The following ME3 variants were observed in gnomAD, a reference collection of about 807,000 sequenced individuals.
The protein encoded by ME3 is malic enzyme 3.
In ME3, 48 loss-of-function variants were observed where a neutral mutation model predicts 68.9. The observed-to-expected ratio is 0.70, with a 90% confidence interval of 0.55 to 0.89. The LOEUF (loss-of-function observed/expected upper bound fraction) is 0.89, where lower values mean the gene tolerates loss of function less well. Among genes scored for constraint, ME3 ranks in the 40% least tolerant of loss-of-function variants. ME3 has a pLI of 0.00. For synonymous variants in ME3, 320 were observed against 318.8 expected, an observed-to-expected ratio of 1.00 and a Z score of -0.04; for missense variants, 675 against 797.4, an observed-to-expected ratio of 0.85 and a Z score of 1.85.
intron 2 of ME3, among the ~76,000 whole-genome samples, chr11:86,619,307 A>C (rs955865771): frequency 6.6e-6 from 1 of 152,256 alleles, no homozygotes; most frequent in Non-Finnish European, 1.5e-5. Flanking sequence ...GAAAAATACT[A>C]TTAATGTGAG....
chr11:86,663,353 G>A (rs530761988), intron 2 of ME3, among the ~76,000 whole-genome samples: 2 of 152,104 alleles, frequency 1.3e-5, no homozygotes, highest in African/African-American at 4.8e-5. Context: ...CTTTTGGTAG[G>A]AATTGTGTTT....
chr11:86,602,495 G>T (rs1455704441), intron 2 of ME3, among the ~76,000 whole-genome samples: 1 of 152,082 alleles, frequency 6.6e-6, no homozygotes, highest in Non-Finnish European at 1.5e-5. Context: ...CTCATGGGTA[G>T]GAAGAATCAA....
At chr11:86,629,722 A>T (rs1001772383) in intron 2 of ME3, among the ~76,000 whole-genome samples, 2 of 152,130 alleles carry the variant, frequency 1.3e-5, no homozygotes, top group African/African-American at 4.8e-5. Flanking sequence ...ACAAGCCAGG[A>T]GTATTTGAGG....
intron 2 of ME3, among the ~76,000 whole-genome samples, chr11:86,561,180 C>A (rs1232787553): frequency 6.6e-6 from 1 of 152,076 alleles, no homozygotes; most frequent in Non-Finnish European, 1.5e-5. Context: ...TGACATACTA[C>A]CCATAATGTA....
intron 4 of ME3, among the ~76,000 whole-genome samples, chr11:86,515,718 T>A (rs1953849856): frequency 6.6e-6 from 1 of 152,132 alleles, no homozygotes; most frequent in Admixed American, 6.5e-5. Context: ...TTACGGATGA[T>A]TGGGGTAGTC....
chr11:86,436,070 C>G, the ME3 span: 3 of 152,192 alleles, frequency 2.0e-5, no homozygotes, highest in African/African-American at 7.2e-5. Flanking sequence ...ATGACACTTG[C>G]TGAATACTGG....
chr11:86,504,856 C>G (rs535468022), intron 5 of ME3, among the ~76,000 whole-genome samples: 17 of 150,922 alleles, frequency 1.1e-4, no homozygotes, highest in African/African-American at 3.9e-4. Flanking sequence ...ACGCCAAGCT[C>G]ATTTTTATAT....
chr11:86,476,551 G>A (rs1231549619), intron 7 of ME3, among the ~76,000 whole-genome samples: 1 of 152,126 alleles, frequency 6.6e-6, no homozygotes, highest in African/African-American at 2.4e-5. Context: ...TACTTGAGGG[G>A]GTGACTGACT....
chr11:86,552,682 A>G (rs1217265992), intron 4 of ME3, among the ~76,000 whole-genome samples: 1 of 152,138 alleles, frequency 6.6e-6, no homozygotes, highest in Non-Finnish European at 1.5e-5. Context: ...CCTCACTGCA[A>G]GACTCCTCTG....
chr11:86,469,063 A>T (rs1011830851), intron 7 of ME3, among the ~76,000 whole-genome samples: 1 of 135,088 alleles, frequency 7.4e-6, no homozygotes, highest in Non-Finnish European at 1.5e-5. Flanking sequence ...ACAGGTTCTT[A>T]AAAAAAAAAG....
chr11:86,467,632 GTCTC>G (rs1440221782), intron 7 of ME3, among the ~76,000 whole-genome samples: 3 of 147,010 alleles, frequency 2.0e-5, no homozygotes, highest in Admixed American at 1.4e-4. Flanking sequence ...AACGTTTTCT[GTCTC>G]TCTCTGTGTG....
At chr11:86,477,361 G>GACT (rs1555207228) in intron 7 of ME3, among the ~76,000 whole-genome samples, 5 of 151,944 alleles carry the variant, frequency 3.3e-5, no homozygotes, top group African/African-American at 9.7e-5. Flanking sequence ...AAAATAAAGT[G>GACT]AATAGTACCT....
chr11:86,554,920 A>T (rs1453720541), intron 4 of ME3, among the ~76,000 whole-genome samples: 1 of 152,220 alleles, frequency 6.6e-6, no homozygotes, highest in Non-Finnish European at 1.5e-5. Context: ...AACAAAAAGA[A>T]AACTATGGGA....
chr11:86,588,940 A>G (rs1958895190), intron 2 of ME3, among the ~76,000 whole-genome samples: 1 of 152,112 alleles, frequency 6.6e-6, no homozygotes, highest in African/African-American at 2.4e-5. Context: ...AATGCTTGAG[A>G]GAGATTTCCT....
intron 2 of ME3, among the ~76,000 whole-genome samples, chr11:86,661,729 A>G (rs985233572): frequency 7.9e-5 from 12 of 152,204 alleles, no homozygotes; most frequent in Non-Finnish European, 1.6e-4. Context: ...TAGCACTTGT[A>G]TGAATGCACC....
At chr11:86,515,542 C>T (rs965571997) in intron 4 of ME3, among the ~76,000 whole-genome samples, 2 of 152,160 alleles carry the variant, frequency 1.3e-5, no homozygotes, top group African/African-American at 4.8e-5. Flanking sequence ...ACGGGAATGA[C>T]TGTGAGAATC....
intron 2 of ME3, among the ~76,000 whole-genome samples, chr11:86,584,904 T>C (rs1958642709): frequency 6.6e-6 from 1 of 152,200 alleles, no homozygotes; most frequent in South Asian, 2.1e-4. Flanking sequence ...TACCATATTA[T>C]ACACTTAAAA....
chr11:86,534,070 T>C (rs1245933778), intron 4 of ME3, among the ~76,000 whole-genome samples: 1 of 29,166 alleles, frequency 3.4e-5, no homozygotes, highest in East Asian at 7.0e-4. Context: ...AAATGAGGTG[T>C]GTGTGTGTGT....
intron 2 of ME3, among the ~76,000 whole-genome samples, chr11:86,616,640 G>A (rs1282425944): frequency 1.3e-5 from 2 of 152,080 alleles, no homozygotes; most frequent in Non-Finnish European, 2.9e-5. Context: ...CATAACTTCA[G>A]TCTAATAATG....
Sources: allele counts gnomAD v4.1 joint callset (sites outside exome capture counted in the v4.1 genomes callset), GRCh38; gene constraint gnomAD v4.1.1; transcripts MANE v1.5; gene names NCBI Gene and HGNC (gene_info 2026-07-23, HGNC 2026-07-21).